SUMF1: variants seen among roughly 807,000 people sequenced by gnomAD.
SUMF1 encodes the protein formylglycine-generating enzyme.
Under a neutral mutation model 47.6 loss-of-function variants are expected in SUMF1, and 48 were observed. The observed-to-expected ratio is 1.01, with a 90% CI of 0.80 to 1.28. The LOEUF (loss-of-function observed/expected upper bound fraction) is 1.28, where lower values mean the gene tolerates loss of function less well. Ranked by LOEUF, SUMF1 falls within the 50% of genes most tolerant of loss-of-function variation. SUMF1 has a pLI of 0.00. For synonymous variants in SUMF1, 230 were observed against 192.1 expected, an observed-to-expected ratio of 1.20 and a Z score of -1.63; for missense variants, 571 against 485.4, an observed-to-expected ratio of 1.18 and a Z score of -1.66.
intron 8 of SUMF1, among the ~76,000 whole-genome samples, chr3:4,265,136 C>CAAAAAAAAAAAA (rs71043507): frequency 1.4e-5 from 1 of 73,412 alleles, no homozygotes; most frequent in African/African-American, 5.2e-5. Flanking sequence ...GACTCCATCT[C>CAAAAAAAAAAAA]AAAAAAAAAA....
intron 3 of SUMF1, among the ~76,000 whole-genome samples, chr3:4,436,204 T>A (rs139649408): frequency 2.0e-5 from 3 of 152,208 alleles, no homozygotes; most frequent in African/African-American, 7.2e-5. Flanking sequence ...TTTTTTCCAA[T>A]GTATGTACAT....
At chr3:4,413,021 T>A (rs533879343) in intron 6 of SUMF1, among the ~76,000 whole-genome samples, 1 of 152,256 alleles carries the variant, frequency 6.6e-6, no homozygotes, top group African/African-American at 2.4e-5. Context: ...CTATTTTTTT[T>A]TTAGACAGGG....
chr3:4,039,863 A>T (rs992007399), intron 9 of SUMF1, among the ~76,000 whole-genome samples: 1 of 152,024 alleles, frequency 6.6e-6, no homozygotes, highest in African/African-American at 2.4e-5. Flanking sequence ...TCTACAAAAA[A>T]AATTTTCAAA....
chr3:4,403,599 G>C (rs145065905), intron 7 of SUMF1, among the ~76,000 whole-genome samples: 19 of 152,304 alleles, frequency 1.2e-4, no homozygotes, highest in African/African-American at 4.6e-4. Flanking sequence ...GAGCTTGTCT[G>C]TACAAGGCAG....
intron 7 of SUMF1, among the ~76,000 whole-genome samples, chr3:4,377,108 T>C (rs1481646346): frequency 1.3e-5 from 2 of 152,216 alleles, no homozygotes; most frequent in Non-Finnish European, 2.9e-5. Flanking sequence ...GCCAGAATTA[T>C]ATGTTTTTAT....
At chr3:4,149,742 G>A (rs1275468676) in intron 8 of SUMF1, among the ~76,000 whole-genome samples, 1 of 152,110 alleles carries the variant, frequency 6.6e-6, no homozygotes. Context: ...GAGGAAGACT[G>A]GTAGTTTCCT....
chr3:4,213,645 T>A (rs1695849513), intron 8 of SUMF1, among the ~76,000 whole-genome samples: 2 of 152,132 alleles, frequency 1.3e-5, no homozygotes, highest in Admixed American at 1.3e-4. Flanking sequence ...GACCCATCAG[T>A]GTGCTGTATT....
chr3:4,391,870 C>T (rs190209623), intron 7 of SUMF1, among the ~76,000 whole-genome samples: 150 of 151,134 alleles, frequency 9.9e-4, no homozygotes, highest in African/African-American at 3.2e-3. Flanking sequence ...CTCTGTCACA[C>T]AGGCTGGAGT....
At chr3:4,415,226 CAAA>C (rs35397535) in intron 6 of SUMF1, among the ~76,000 whole-genome samples, 19 of 78,300 alleles carry the variant, frequency 2.4e-4, no homozygotes, top group African/African-American at 7.4e-4. Flanking sequence ...GACTCCATCT[CAAA>C]AAAAAAAAAA....
In SUMF1 at chr3:4,267,171, T is replaced by C. The variant is rs1364885032; in HGVS notation, c.1014+109159A>G. Among the ~76,000 whole-genome samples the C allele has an allele frequency of 4.6e-5, 7 of 152,242 alleles. No homozygotes were observed. In the East Asian group the frequency reaches 1.4e-3, roughly 29 times the overall value. ...TCTGCATCAATGTTCATCAAGGATA[T>C]TGGTCTAAAATTCTCTTTTTTGGTT... is the stretch of plus-strand genomic sequence containing the variant. On this transcript the variant is annotated intron_variant and NMD_transcript_variant, in intron 8 of 12. Transcript: ENST00000448413.
chr3:4,281,461 T>C (rs796289375), intron 8 of SUMF1, among the ~76,000 whole-genome samples: 3 of 152,168 alleles, frequency 2.0e-5, no homozygotes, highest in African/African-American at 4.8e-5. Context: ...TCCTATGCCA[T>C]AGATATTGAT....
intron 8 of SUMF1, among the ~76,000 whole-genome samples, chr3:4,137,798 G>T (rs186399856): frequency 6.6e-5 from 10 of 152,138 alleles, no homozygotes; most frequent in African/African-American, 1.9e-4. Flanking sequence ...TGTACTGGAG[G>T]TTCTAGCCAG....
At position 4,091,753 on chromosome 3, in the gene SUMF1, A is replaced by G. The variant is rs111829694; in HGVS notation, c.1015-23008T>C. ...GTGCAACCTATATTTACTGGTAATAATGGTTATGTAAGAGGCCCTTGCATG... is the reference window on the plus strand; with the variant it reads ...GTGCAACCTATATTTACTGGTAATAGTGGTTATGTAAGAGGCCCTTGCATG... On this transcript the variant is annotated intron_variant and NMD_transcript_variant, in intron 8 of 12. Coordinates refer to the SUMF1 transcript ENST00000448413. 7.4e-4 allele frequency among the ~76,000 whole-genome samples: 112 copies of G among 152,218 alleles called. 1 individual carries two copies. Among genetic ancestry groups the G allele is most frequent in the African/African-American group, 2.4e-3 (99 of 41,532 alleles).
At chr3:4,288,643 C>A (rs1440663132) in intron 8 of SUMF1, among the ~76,000 whole-genome samples, 2 of 151,954 alleles carry the variant, frequency 1.3e-5, no homozygotes, top group African/African-American at 4.8e-5. Flanking sequence ...ACCAAAAATA[C>A]AAAAATTAGC....
At chr3:4,419,981 G>T in intron 4 of SUMF1, 83 bp downstream of exon 4, 1 of 1,029,382 alleles carries the variant, frequency 9.7e-7, no homozygotes, top group Non-Finnish European at 1.5e-6. Context: ...AGATGAAGAT[G>T]CCCACTGAGT....
chr3:4,135,188 C>G (rs1245920951), intron 8 of SUMF1, among the ~76,000 whole-genome samples: 1 of 152,052 alleles, frequency 6.6e-6, no homozygotes, highest in Non-Finnish European at 1.5e-5. Flanking sequence ...AAATTTAGAC[C>G]AATATCCTTG....
At chr3:4,377,690 T>C (rs767008353) in intron 7 of SUMF1, among the ~76,000 whole-genome samples, 29 of 152,204 alleles carry the variant, frequency 1.9e-4, no homozygotes, top group Admixed American at 3.9e-4. Flanking sequence ...AAAGCATCAG[T>C]TGCCAAGATA....
chr3:4,271,854 T>C (rs2125036889), intron 8 of SUMF1, among the ~76,000 whole-genome samples: 1 of 152,298 alleles, frequency 6.6e-6, no homozygotes, highest in Non-Finnish European at 1.5e-5. Context: ...TGCTCAGAAG[T>C]GTCCCTAAAA....
intron 9 of SUMF1, among the ~76,000 whole-genome samples, chr3:4,062,769 G>T (rs1574851224): frequency 6.6e-6 from 1 of 152,126 alleles, no homozygotes; most frequent in East Asian, 1.9e-4. Flanking sequence ...GTTGCACAAT[G>T]AGTTTCAATA....
Sources: gnomAD v4.1 joint callset for allele counts (sites outside exome capture counted in the v4.1 genomes callset) on GRCh38, gnomAD v4.1.1 for gene constraint, MANE v1.5 for transcripts, NCBI Gene and HGNC (gene_info 2026-07-23, HGNC 2026-07-21) for gene names.